Variants in EP400 observed in about 807,000 individuals in gnomAD.
EP400 encodes the protein E1A-binding protein p400.
EP400 carries 105 observed loss-of-function variants against 354.1 expected under a neutral mutation model. The observed-to-expected ratio is 0.30, with a 90% CI of 0.25 to 0.35. EP400 has a LOEUF of 0.35. EP400 is among the 10% of genes least tolerant of loss of function. EP400 has a pLI of 1.00. For synonymous variants in EP400, 1,646 were observed against 1,716.9 expected (o/e 0.96, Z 1.02); for missense variants, 3,280 against 4,121.0 (o/e 0.80, Z 5.59).
At chr12:132,032,969 C>T (rs1045551666) in intron 30 of EP400, among the ~76,000 whole-genome samples, 3 of 151,242 alleles carry the variant, frequency 2.0e-5, no homozygotes, top group Non-Finnish European at 4.4e-5. Flanking sequence ...TTTTTTGAGA[C>T]GGAGTTTCGC....
At chr12:132,024,683 C>T (rs1254034092) in intron 24 of EP400, among the ~76,000 whole-genome samples, 1 of 151,364 alleles carries the variant, frequency 6.6e-6, no homozygotes, top group African/African-American at 2.4e-5. Context: ...CCCGCAGCCT[C>T]CTTCCCCCAC....
intron 39 of EP400, among the ~76,000 whole-genome samples, chr12:132,048,434 C>T (rs1190245175): frequency 1.3e-5 from 2 of 152,132 alleles, no homozygotes; most frequent in African/African-American, 4.8e-5. Flanking sequence ...CCCTGACTTC[C>T]TGCAACAATA....
intron 23 of EP400, among the ~76,000 whole-genome samples, chr12:132,021,565 T>C (rs941591264): frequency 6.6e-6 from 1 of 152,244 alleles, no homozygotes; most frequent in Non-Finnish European, 1.5e-5. Context: ...CATCCAGCTC[T>C]GCTTTTCTGC....
chr12:132,045,235 G>T, intron 37 of EP400, 84 bp from the exon 38 acceptor site: 4 of 1,565,378 alleles, frequency 2.6e-6, no homozygotes, highest in Non-Finnish European at 3.5e-6. Flanking sequence ...CTCCAGACTT[G>T]CCTGACCTGT....
At position 132,018,302 on chromosome 12, in the gene EP400, G is replaced by T; in HGVS notation, c.4203G>T (p.Arg1401=). The change falls in exon 21 of 53, where the codon CGG becomes CGT. Residue 1401 remains arginine (R), a synonymous_variant. Coordinates refer to ENST00000389561, the MANE Select transcript of EP400 (RefSeq NM_015409.5). This position sits in a 1 kb window ranked among gnomAD's most constrained non-coding sequence, Gnocchi z 4.0. ...AELLSKKKIP[R]KLMEEISTSA... ...TGCTGTCTAAGAAAAAGATACCGCG[G>T]AAACTCATGGAGGAAATCTCCACTT... 2 of 1,613,542 alleles carry T rather than the reference G, an allele frequency of 1.2e-6. No individual in the cohort carries two copies. The highest frequency in any genetic ancestry group is 1.7e-6 in the Non-Finnish European group (2 of 1,179,904).
chr12:131,998,005 T>C (rs937973359), intron 12 of EP400, among the ~76,000 whole-genome samples: 3 of 152,200 alleles, frequency 2.0e-5, no homozygotes, highest in Non-Finnish European at 4.4e-5. Context: ...TTCCTTTTTT[T>C]CCCCAAAATG....
intron 47 of EP400, among the ~76,000 whole-genome samples, chr12:132,063,663 G>A (rs767063598): frequency 1.3e-5 from 2 of 152,162 alleles, no homozygotes; most frequent in Admixed American, 6.5e-5. Flanking sequence ...GGGCCTCTCC[G>A]TGGTCTGGAA....
At position 132,070,389 on chromosome 12, in the gene EP400, A is replaced by G. The variant is rs1896032071; in HGVS notation, c.9021+748A>G. ...CCAATTCTGTCATCCATCGATCCAC[A>G]GTGCCGCCTCCACCTGAGATCCTGT... On this transcript the variant is annotated intron_variant, in intron 51 of 52. Transcript: ENST00000389561. This position sits in a 1 kb window ranked among gnomAD's most constrained non-coding sequence, Gnocchi z 4.1. Among the ~76,000 whole-genome samples the G allele has an allele frequency of 6.6e-6, 1 of 152,236 alleles. No homozygotes were observed. Among genetic ancestry groups the G allele is most frequent in the East Asian group, 1.9e-4 (1 of 5,200 alleles).
intron 16 of EP400, among the ~76,000 whole-genome samples, chr12:132,012,443 A>C (rs1893797540): frequency 1.3e-5 from 2 of 152,298 alleles, no homozygotes; most frequent in South Asian, 4.1e-4. Flanking sequence ...ATGGAAGGGC[A>C]AAAGGGTCCA....
Position 132,062,112 on chromosome 12 carries a change from G to T in EP400, c.7887G>T (p.Thr2629=), listed in dbSNP as rs530971555. 10 of 1,611,734 alleles carry T rather than the reference G, an allele frequency of 6.2e-6. No individual in the cohort carries two copies. Among genetic ancestry groups the T allele is most frequent in the East Asian group, 2.2e-5 (1 of 44,868 alleles). ...ASPVAPGALT[T]PGGSAPAQVV... ...GGTCCTCTGTTTGCCTTTTCTAGAC[G>T]CCGGGAGGCTCTGCTCCCGCCCAGG... is the stretch of plus-strand genomic sequence containing the variant. The change falls in exon 46 of 53, where the codon ACG becomes ACT. Residue 2629 remains threonine, a splice_region_variant and synonymous_variant. Coordinates refer to ENST00000389561, the MANE Select transcript of EP400 (RefSeq NM_015409.5).
intron 34 of EP400, 40 bp from the exon 35 acceptor site, chr12:132,044,137 C>A: frequency 6.2e-7 from 1 of 1,609,326 alleles, no homozygotes; most frequent in Non-Finnish European, 8.5e-7. Context: ...CTCTGAGCTG[C>A]ACTCCTGATC....
intron 29 of EP400, among the ~76,000 whole-genome samples, chr12:132,030,378 G>A (rs921994708): frequency 1.3e-5 from 2 of 152,176 alleles, no homozygotes; most frequent in East Asian, 3.8e-4. Flanking sequence ...AATAAATGCC[G>A]GTGACCTGCA....
At chr12:132,001,733 G>A (rs769890721) in intron 12 of EP400, among the ~76,000 whole-genome samples, 7 of 152,174 alleles carry the variant, frequency 4.6e-5, no homozygotes, top group Admixed American at 1.3e-4. Context: ...GGCCCTGTCC[G>A]GGCATAACAG....
intron 19 of EP400, among the ~76,000 whole-genome samples, chr12:132,016,372 T>G (rs953294875): frequency 5.9e-5 from 9 of 152,118 alleles, no homozygotes; most frequent in African/African-American, 2.2e-4. Flanking sequence ...TTTTTCTTTT[T>G]TTTCCTTTTT....
chr12:132,045,760 C>T lies in EP400; in HGVS notation c.7060C>T (p.Leu2354Phe). ...GCAGTTACTGGAGCTGCCTTTGAAC[C>T]TCACAATCGTGTCACCTGCTCACAC... ...VKQLLELPLNLTIVSPAHTPN... is the reference protein window; with the variant it reads ...VKQLLELPLNFTIVSPAHTPN... Residue 2354 changes from leucine (L) to phenylalanine (F), a missense_variant, in exon 39 of 53, where the codon CTC becomes TTC. By Grantham distance (22) the Leu-to-Phe change is conservative. Around this residue, in one of 20 missense-constraint regions of EP400, gnomAD observed 84 missense variants for 133.0 expected, o/e 0.63. Transcript: ENST00000389561. The T allele has an allele frequency of 6.2e-7, 1 of 1,614,252 alleles. No individual in the cohort carries two copies. The highest frequency in any genetic ancestry group is 1.3e-5 in the African/African-American group (1 of 75,074).
At position 131,990,808 on chromosome 12, in the gene EP400, A is replaced by G; in HGVS notation, c.2629+94A>G. On this transcript the variant is annotated intron_variant, in intron 9 of 52. Transcript: ENST00000389561. This position sits in a 1 kb window ranked among gnomAD's most constrained non-coding sequence, Gnocchi z 4.2. ...CAGTCTCCTGGCGCTGTGGCTTCCC[A>G]CAGAGGACATCTGCTCATCAGCCAG... is the stretch of plus-strand genomic sequence containing the variant. 1.1e-6 allele frequency: 1 copy of G among 873,610 alleles called. No individual in the cohort carries two copies. The highest frequency in any genetic ancestry group is 1.8e-6 in the Non-Finnish European group (1 of 543,850). The allele number at this position is 873,610 out of a possible 1,614,324, so 54.1% of individuals were successfully genotyped here. A position where few individuals can be genotyped will look rare whatever the true frequency, so the allele number is the denominator to read the frequency against.
chr12:132,005,023 A>G (rs1476905143), intron 12 of EP400, 54 bp from the exon 13 acceptor site: 1 of 1,393,016 alleles, frequency 7.2e-7, no homozygotes, highest in East Asian at 2.5e-5. Flanking sequence ...TTCCCAATTT[A>G]AATTACAGTT....
At chr12:132,019,116 C>G (rs1403928665) in intron 21 of EP400, among the ~76,000 whole-genome samples, 2 of 152,204 alleles carry the variant, frequency 1.3e-5, no homozygotes, top group African/African-American at 2.4e-5. Flanking sequence ...GCAGGCTGCT[C>G]CTCAGAGAGC....
chr12:132,017,657 C>A lies in EP400; in HGVS notation c.4046C>A (p.Ala1349Glu). The stretch of plus-strand genomic sequence containing the variant: ...CGGCACCCAGGCTCTTCCTACGTGG[C>A]GGGGCCACTGGAGTATCCGTCCGCA... Reference protein sequence around the residue: ...EPRHPGSSYVAGPLEYPSASL... With the variant: ...EPRHPGSSYVEGPLEYPSASL... The change falls in exon 20 of 53, where the codon GCG becomes GAG. Residue 1349 changes from alanine to glutamate, a missense_variant. This residue lies in a region of EP400 where 342 missense variants were observed against 342.7 expected (regional missense o/e 1.00). Coordinates refer to ENST00000389561, the MANE Select transcript of EP400 (RefSeq NM_015409.5). The surrounding 1 kb of genome is among the most constrained non-coding windows in gnomAD (Gnocchi z 5.0). 6.3e-7 allele frequency: 1 copy of A among 1,599,230 alleles called. No individual in the cohort carries two copies. The highest frequency in any genetic ancestry group is 1.7e-5 in the Admixed American group (1 of 57,986).
Sources: gnomAD v4.1 joint callset for allele counts (sites outside exome capture counted in the v4.1 genomes callset) on GRCh38, gnomAD v4.1.1 for gene constraint, gnomAD v4.1.1 regional missense constraint, Gnocchi (gnomAD v3.1) non-coding constraint, MANE v1.5 for transcripts, NCBI Gene and HGNC (gene_info 2026-07-23, HGNC 2026-07-21) for gene names.